CABLES1: variants seen among roughly 807,000 people sequenced by gnomAD.
CABLES1 encodes Cdk5 and Abl enzyme substrate 1, also known as CDK5 and ABL1 enzyme substrate 1.
In CABLES1, 36 loss-of-function variants were observed where a neutral mutation model predicts 57.8. The ratio of observed to expected loss-of-function variants is 0.62; its 90% CI spans 0.48 to 0.82. The LOEUF (loss-of-function observed/expected upper bound fraction) is 0.82, where lower values mean the gene tolerates loss of function less well. CABLES1 is among the 40% of genes least tolerant of loss of function. The pLI is 0.00. For synonymous variants in CABLES1, 374 were observed against 363.0 expected, an observed-to-expected ratio of 1.03 and a Z score of -0.35; for missense variants, 767 against 836.6, an observed-to-expected ratio of 0.92 and a Z score of 1.03.
At chr18:23,254,051 A>C in intron 9 of CABLES1, 115 bp downstream of exon 9, 1 of 816,900 alleles carries the variant, frequency 1.2e-6, no homozygotes, top group Non-Finnish European at 2.0e-6. Flanking sequence ...TTAGTCAGCA[A>C]TTGAGGTGAA....
chr18:23,216,151 A>G (rs747178941), intron 4 of CABLES1, among the ~76,000 whole-genome samples: 3 of 152,176 alleles, frequency 2.0e-5, no homozygotes, highest in East Asian at 1.9e-4. Flanking sequence ...TGGCTTCTCC[A>G]CACTTGTCTT....
intron 7 of CABLES1, among the ~76,000 whole-genome samples, chr18:23,245,461 C>T (rs1028672382): frequency 6.7e-5 from 10 of 150,158 alleles, no homozygotes; most frequent in African/African-American, 2.2e-4. Flanking sequence ...CAGTGAGTGC[C>T]ACTGTACTCC....
chr18:23,165,530 GC>G (rs1054767336), intron 1 of CABLES1, among the ~76,000 whole-genome samples: 2 of 150,516 alleles, frequency 1.3e-5, no homozygotes, highest in African/African-American at 2.4e-5. Context: ...TGTTCCTCCT[GC>G]CCCCCCAGTC....
At chr18:23,222,573 TTAGATA>T (rs1295409403) in intron 4 of CABLES1, among the ~76,000 whole-genome samples, 2 of 148,232 alleles carry the variant, frequency 1.3e-5, no homozygotes, top group Non-Finnish European at 3.0e-5. Flanking sequence ...TATATATAGA[TTAGATA>T]TATAGATATA....
At chr18:23,140,140 C>T (rs1225089452) in intron 1 of CABLES1, among the ~76,000 whole-genome samples, 1 of 152,184 alleles carries the variant, frequency 6.6e-6, no homozygotes, top group East Asian at 1.9e-4. Context: ...CAAGAAGATG[C>T]CTCTTAGCTT....
rs1231724229 is a variant in CABLES1, at chr18:23,258,813, T to G, written c.*1446T>G. The stretch of plus-strand genomic sequence containing the variant: ...GAACCGAACCGAGGGTCTGCAGCTT[T>G]CGTTAGCAGAGCTGTCAGATTCTTG... On this transcript the variant is annotated 3_prime_UTR_variant, in exon 10 of 10. Transcript: ENST00000256925. 1 of 152,136 alleles carries G rather than the reference T, an allele frequency of 6.6e-6. No homozygotes were observed. Among genetic ancestry groups the G allele is most frequent in the Non-Finnish European group, 1.5e-5 (1 of 68,046 alleles). 9.4% of individuals were successfully genotyped at this position (152,136 alleles called of 1,614,324 possible). A position where few individuals can be genotyped will look rare whatever the true frequency, so the allele number is the denominator to read the frequency against.
intron 7 of CABLES1, among the ~76,000 whole-genome samples, chr18:23,241,979 T>TAAA (rs1157009365): frequency 3.3e-5 from 5 of 151,624 alleles, no homozygotes; most frequent in Admixed American, 3.3e-4. Flanking sequence ...ATTTTGAACT[T>TAAA]AAAAAAAAAT....
chr18:23,163,823 C>T (rs1025407410), intron 1 of CABLES1, among the ~76,000 whole-genome samples: 4 of 152,090 alleles, frequency 2.6e-5, no homozygotes, highest in South Asian at 4.1e-4. Flanking sequence ...CATGGAGGAG[C>T]GTGGCTCTCC....
At chr18:23,238,274 C>T (rs1032737227) in intron 7 of CABLES1, among the ~76,000 whole-genome samples, 1 of 152,240 alleles carries the variant, frequency 6.6e-6, no homozygotes, top group Non-Finnish European at 1.5e-5. Context: ...GAGGGTTCTC[C>T]GCTGTTTGTC....
chr18:23,157,066 T>C (rs74996967), intron 1 of CABLES1, among the ~76,000 whole-genome samples: 4,620 of 152,198 alleles, frequency 0.03, 147 homozygotes, highest in African/African-American at 0.08. Context: ...GAAAGTGCCA[T>C]GAGTGTCCAT....
chr18:23,223,882 C>G (rs905025209), intron 4 of CABLES1, among the ~76,000 whole-genome samples: 1 of 152,054 alleles, frequency 6.6e-6, no homozygotes, highest in Non-Finnish European at 1.5e-5. Context: ...CCACGCCTTT[C>G]AAATAACACA....
At chr18:23,167,390 G>C (rs1011672690) in intron 1 of CABLES1, among the ~76,000 whole-genome samples, 1 of 152,034 alleles carries the variant, frequency 6.6e-6, no homozygotes, top group Admixed American at 6.6e-5. Flanking sequence ...GGAAATTCAA[G>C]GTCTGTTTCA....
intron 3 of CABLES1, among the ~76,000 whole-genome samples, chr18:23,200,619 G>A (rs531459592): frequency 2.0e-5 from 3 of 152,196 alleles, no homozygotes; most frequent in South Asian, 4.1e-4. Flanking sequence ...ATGCTTAGCA[G>A]TTTGAGAACA....
intron 4 of CABLES1, among the ~76,000 whole-genome samples, chr18:23,214,899 T>C (rs553935005): frequency 6.6e-6 from 1 of 152,328 alleles, no homozygotes; most frequent in Admixed American, 6.5e-5. Context: ...CCGTGAGCTC[T>C]ACCCCAGGCC....
intron 1 of CABLES1, chr18:23,156,013 C>G (rs1420597341): frequency 7.6e-6 from 12 of 1,578,010 alleles, no homozygotes; most frequent in Non-Finnish European, 1.0e-5. Context: ...TTTGGCTCCC[C>G]CCTTTGGATG....
At chr18:23,183,815 A>G (rs2047183962) in intron 1 of CABLES1, among the ~76,000 whole-genome samples, 1 of 152,242 alleles carries the variant, frequency 6.6e-6, no homozygotes, top group African/African-American at 2.4e-5. Context: ...AGGAGTTTGC[A>G]TAGTAATGGA....
chr18:23,220,978 TC>T (rs2047482829), intron 4 of CABLES1, among the ~76,000 whole-genome samples: 1 of 152,146 alleles, frequency 6.6e-6, no homozygotes, highest in African/African-American at 2.4e-5. Flanking sequence ...GTGTGGGTGT[TC>T]CTGGCTCATG....
intron 1 of CABLES1, among the ~76,000 whole-genome samples, chr18:23,152,448 G>A (rs2046936914): frequency 6.6e-6 from 1 of 151,406 alleles, no homozygotes. Flanking sequence ...TGATATTTAT[G>A]GTTAGATACC....
rs1331666040 is a variant in CABLES1 at position 23,259,619 on chromosome 18, G to A, written c.*2252G>A. 1 of 152,250 alleles carries A rather than the reference G, an allele frequency of 6.6e-6. No individual in the cohort carries two copies. Among genetic ancestry groups the A allele is most frequent in the Non-Finnish European group, 1.5e-5 (1 of 68,058 alleles). 9.4% of individuals were successfully genotyped at this position (152,250 alleles called of 1,614,324 possible). ...GGCTGAGAAGGCATTTTATCAGGAG[G>A]TCTCCTTTTGCACGTCCATGACATG... is the stretch of plus-strand genomic sequence containing the variant. On this transcript the variant is annotated 3_prime_UTR_variant, in exon 10 of 10. Coordinates refer to ENST00000256925, the MANE Select transcript of CABLES1 (RefSeq NM_001100619.3).
Sources: allele counts gnomAD v4.1 joint callset (sites outside exome capture counted in the v4.1 genomes callset), GRCh38; gene constraint gnomAD v4.1.1; transcripts MANE v1.5; gene names NCBI Gene and HGNC (gene_info 2026-07-23, HGNC 2026-07-21).